The following GRID2 variants were observed in gnomAD, a reference collection of about 807,000 sequenced individuals.
GRID2 encodes glutamate ionotropic receptor delta type subunit 2.
In GRID2, 33 loss-of-function variants were observed where a neutral mutation model predicts 114.8. The observed-to-expected ratio is 0.29, with a 90% CI of 0.22 to 0.38. The LOEUF (loss-of-function observed/expected upper bound fraction) is 0.38. Among genes scored for constraint, GRID2 ranks in the 10% least tolerant of loss-of-function variants. The probability of loss-of-function intolerance (pLI) is 1.00; values close to 1 mark genes in which losing one functional copy is unlikely to be tolerated. For missense variants in GRID2, 1,184 were observed against 1,257.7 expected, an observed-to-expected ratio of 0.94 and a Z score of 0.89; for synonymous variants, 505 against 449.9, an observed-to-expected ratio of 1.12 and a Z score of -1.55.
At chr4:92,679,168 C>G (rs1733526749) in intron 2 of GRID2, among the ~76,000 whole-genome samples, 1 of 151,916 alleles carries the variant, frequency 6.6e-6, no homozygotes, top group Admixed American at 6.6e-5. Flanking sequence ...TTTGGTCAAG[C>G]CTTGAAAATT....
At chr4:93,122,487 A>G (rs1463241623) in intron 4 of GRID2, among the ~76,000 whole-genome samples, 1 of 152,154 alleles carries the variant, frequency 6.6e-6, no homozygotes, top group African/African-American at 2.4e-5. Context: ...ACTTTAGAAG[A>G]AAAGGAAAGG....
At chr4:93,592,364 A>G (rs566447370) in intron 13 of GRID2, among the ~76,000 whole-genome samples, 4 of 152,144 alleles carry the variant, frequency 2.6e-5, no homozygotes, top group African/African-American at 7.2e-5. Context: ...TAGATGAGCG[A>G]TTTTGAGTGA....
intron 8 of GRID2, among the ~76,000 whole-genome samples, chr4:93,352,239 A>G (rs1760875067): frequency 6.6e-6 from 1 of 152,020 alleles, no homozygotes; most frequent in African/African-American, 2.4e-5. Context: ...GTGAACTTTA[A>G]AATAGTTAAT....
chr4:92,360,877 A>G (rs1728585464), intron 1 of GRID2, among the ~76,000 whole-genome samples: 1 of 151,934 alleles, frequency 6.6e-6, no homozygotes, highest in African/African-American at 2.4e-5. Flanking sequence ...ATCAACTGTA[A>G]GTCTTCATTT....
intron 4 of GRID2, among the ~76,000 whole-genome samples, chr4:93,189,700 C>T (rs905406159): frequency 5.3e-5 from 8 of 151,270 alleles, no homozygotes; most frequent in Non-Finnish European, 7.4e-5. Context: ...CTGTACTTTG[C>T]AGAGGGAATA....
At chr4:92,442,836 A>G (rs1733187545) in intron 1 of GRID2, among the ~76,000 whole-genome samples, 2 of 152,254 alleles carry the variant, frequency 1.3e-5, no homozygotes, top group South Asian at 4.1e-4. Flanking sequence ...AACCTTGACT[A>G]TGCCTTTAGC....
chr4:92,971,502 C>T (rs1340695025), intron 2 of GRID2, among the ~76,000 whole-genome samples: 1 of 151,976 alleles, frequency 6.6e-6, no homozygotes. Flanking sequence ...AGAGTAATTA[C>T]ATAGCCATCA....
In GRID2 at chr4:92,797,689, CT is replaced by C. The variant is rs1434922119; in HGVS notation, c.244+207410del. Among the ~76,000 whole-genome samples, 10 of 151,654 alleles carry C rather than the reference CT, an allele frequency of 6.6e-5. No individual in the cohort carries two copies. The South Asian group carries it at 1.5e-3, about 22-fold the overall frequency. On this transcript the variant is annotated intron_variant, in intron 2 of 15. Coordinates refer to ENST00000282020, the MANE Select transcript of GRID2 (RefSeq NM_001510.4). ...GCATTTATGACATATCTAACTTTTTCTTTTTTTGCTATTTCTATGCTACATG... is the reference window on the plus strand; with the variant it reads ...GCATTTATGACATATCTAACTTTTTCTTTTTTGCTATTTCTATGCTACATG...
intron 14 of GRID2, among the ~76,000 whole-genome samples, chr4:93,682,944 AAAAG>A (rs1348202338): frequency 4.6e-5 from 7 of 151,944 alleles, no homozygotes; most frequent in Admixed American, 1.3e-4. Context: ...TAATAAAAAA[AAAAG>A]AAAGAAAAGA....
chr4:93,370,133 C>T (rs1762724744), intron 8 of GRID2, among the ~76,000 whole-genome samples: 1 of 151,960 alleles, frequency 6.6e-6, no homozygotes, highest in Admixed American at 6.6e-5. Flanking sequence ...ACTTGATGTT[C>T]TGTTTTTAAT....
intron 2 of GRID2, among the ~76,000 whole-genome samples, chr4:93,062,902 A>C (rs1049273871): frequency 2.0e-5 from 3 of 151,988 alleles, no homozygotes; most frequent in Admixed American, 2.0e-4. Flanking sequence ...TTAAAAGACA[A>C]TTTAAAATTG....
Position 93,245,824 on chromosome 4 carries a change from G to C in GRID2, c.1245+7334G>C, listed in dbSNP as rs910303069. 7.2e-5 allele frequency among the ~76,000 whole-genome samples: 11 copies of C among 152,272 alleles called. No homozygotes were observed. The East Asian group carries it at 2.1e-3, about 29-fold the overall frequency. ...TTTTGTAAGGATTAATTGAAATTAT[G>C]TTTGTAGGTTACACAATAAGGGAAA... On this transcript the variant is annotated intron_variant, in intron 8 of 15. Coordinates refer to ENST00000282020, the MANE Select transcript of GRID2 (RefSeq NM_001510.4).
intron 8 of GRID2, among the ~76,000 whole-genome samples, chr4:93,310,871 A>T (rs1190401054): frequency 6.6e-6 from 1 of 152,312 alleles, no homozygotes; most frequent in Non-Finnish European, 1.5e-5. Context: ...TTCCTGAAGC[A>T]AACAGTAGAG....
chr4:93,253,707 A>G (rs1385030167), intron 8 of GRID2, among the ~76,000 whole-genome samples: 4 of 152,196 alleles, frequency 2.6e-5, no homozygotes. Flanking sequence ...GAACACACAC[A>G]TAAAATCTCA....
chr4:93,374,563 T>C (rs964402862), intron 8 of GRID2, among the ~76,000 whole-genome samples: 5 of 151,148 alleles, frequency 3.3e-5, no homozygotes, highest in African/African-American at 9.9e-5. Flanking sequence ...CTTATTTGTT[T>C]AACCGCTTTT....
chr4:93,223,684 T>C (rs941075165), intron 6 of GRID2, among the ~76,000 whole-genome samples: 1 of 152,188 alleles, frequency 6.6e-6, no homozygotes, highest in Non-Finnish European at 1.5e-5. Flanking sequence ...TCATTTTTTT[T>C]ATTTTATATA....
At chr4:92,600,328 G>A (rs1049696056) in intron 2 of GRID2, among the ~76,000 whole-genome samples, 1 of 151,676 alleles carries the variant, frequency 6.6e-6, no homozygotes, top group African/African-American at 2.4e-5. Flanking sequence ...AGGGTAACTA[G>A]AGGATTAAAA....
intron 13 of GRID2, among the ~76,000 whole-genome samples, chr4:93,535,605 G>A (rs1200629676): frequency 2.0e-5 from 3 of 151,866 alleles, no homozygotes; most frequent in Non-Finnish European, 2.9e-5. Context: ...CAGCTATGCA[G>A]TAATAACTCA....
At chr4:93,523,895 C>G (rs1220913183) in intron 13 of GRID2, among the ~76,000 whole-genome samples, 2 of 152,154 alleles carry the variant, frequency 1.3e-5, no homozygotes, top group Non-Finnish European at 2.9e-5. Flanking sequence ...CAGATTTCAG[C>G]TGTTACACAG....
Sources: allele counts gnomAD v4.1 joint callset (sites outside exome capture counted in the v4.1 genomes callset), GRCh38; gene constraint gnomAD v4.1.1; transcripts MANE v1.5; gene names NCBI Gene and HGNC (gene_info 2026-07-23, HGNC 2026-07-21).